The following PRKCE variants were observed in gnomAD, a reference collection of about 807,000 sequenced individuals.
PRKCE encodes the protein protein kinase C epsilon.
Under a neutral mutation model 85.4 loss-of-function variants are expected in PRKCE, and 16 were observed. That is an observed-to-expected ratio of 0.19 (90% CI 0.13 to 0.28). The LOEUF is 0.28. Among genes scored for constraint, PRKCE ranks in the 10% least tolerant of loss-of-function variants. The probability of loss-of-function intolerance (pLI) is 1.00; values close to 1 mark genes in which losing one functional copy is unlikely to be tolerated. For synonymous variants in PRKCE, 388 were observed against 371.5 expected, an observed-to-expected ratio of 1.04 and a Z score of -0.51; for missense variants, 573 against 975.2, an observed-to-expected ratio of 0.59 and a Z score of 5.49.
intron 2 of PRKCE, among the ~76,000 whole-genome samples, chr2:45,953,978 C>A (rs1485813980): frequency 6.6e-6 from 1 of 152,172 alleles, no homozygotes; most frequent in Non-Finnish European, 1.5e-5. Flanking sequence ...TTTCCTAAGA[C>A]AACATAAGCT....
intron 11 of PRKCE, among the ~76,000 whole-genome samples, chr2:46,089,279 C>A (rs1669937129): frequency 6.6e-6 from 1 of 152,192 alleles, no homozygotes; most frequent in South Asian, 2.1e-4. Flanking sequence ...ATATGTATAT[C>A]CAGCATTCCT....
chr2:46,036,319 G>C (rs1707855308), intron 10 of PRKCE, among the ~76,000 whole-genome samples: 1 of 152,228 alleles, frequency 6.6e-6, no homozygotes, highest in South Asian at 2.1e-4. Flanking sequence ...GCTCATGCCT[G>C]TAATGCCAGC....
intron 2 of PRKCE, among the ~76,000 whole-genome samples, chr2:45,917,162 G>T (rs1392999127): frequency 2.6e-5 from 4 of 152,172 alleles, no homozygotes; most frequent in Non-Finnish European, 4.4e-5. Context: ...GGCGCTGATT[G>T]GTGCGTTTAC....
At chr2:45,772,550 A>G (rs2104926158) in intron 1 of PRKCE, among the ~76,000 whole-genome samples, 1 of 152,260 alleles carries the variant, frequency 6.6e-6, no homozygotes, top group East Asian at 1.9e-4. Context: ...TCTCCTGGGT[A>G]CTCTGCCTGA....
At chr2:45,810,304 G>T (rs1042276362) in intron 1 of PRKCE, among the ~76,000 whole-genome samples, 8 of 152,106 alleles carry the variant, frequency 5.3e-5, no homozygotes, top group African/African-American at 1.7e-4. Context: ...GCCTCCCAAA[G>T]TGCTGGGATT....
chr2:45,961,786 C>T lies in PRKCE; in HGVS notation c.413-14643C>T, dbSNP rs1053210518. On this transcript the variant is annotated intron_variant, in intron 2 of 14. Coordinates refer to ENST00000306156, the MANE Select transcript of PRKCE (RefSeq NM_005400.3). The stretch of plus-strand genomic sequence containing the variant: ...TCTTGGCTCACTGCAACCTCTGCCT[C>T]CCGGGTTCAAGCGATTCTCCTGCCT... Among the ~76,000 whole-genome samples the T allele has an allele frequency of 3.9e-5, 6 of 152,224 alleles. No individual in the cohort carries two copies. In the South Asian group the frequency reaches 6.2e-4, roughly 16 times the overall value.
At chr2:46,176,143 A>G (rs1172418802) in intron 14 of PRKCE, among the ~76,000 whole-genome samples, 1 of 152,236 alleles carries the variant, frequency 6.6e-6, no homozygotes, top group African/African-American at 2.4e-5. Flanking sequence ...CCAAAGAGAA[A>G]TAGCTCCAAA....
intron 11 of PRKCE, among the ~76,000 whole-genome samples, chr2:46,126,751 C>T (rs1673906903): frequency 6.6e-6 from 1 of 152,146 alleles, no homozygotes; most frequent in South Asian, 2.1e-4. Context: ...CTCCTCCCTT[C>T]CCTTGAGCAG....
Position 46,139,930 on chromosome 2 carries a change from C to A in PRKCE, c.1593-5163C>A, listed in dbSNP as rs1574576047. Among the ~76,000 whole-genome samples, 1 of 152,136 alleles carries A rather than the reference C, an allele frequency of 6.6e-6. No individual in the cohort carries two copies. Among genetic ancestry groups the A allele is most frequent in the East Asian group, 1.9e-4 (1 of 5,176 alleles). On this transcript the variant is annotated intron_variant, in intron 11 of 14. Transcript: ENST00000306156. The surrounding 1 kb of genome is among the most constrained non-coding windows in gnomAD (Gnocchi z 5.2). ...GCTTAAAAAATAGAAAGTAAATGTT[C>A]TCTTACAAAGGAAGAAAGTGAGAAT... is the stretch of plus-strand genomic sequence containing the variant.
At chr2:45,845,485 C>T in intron 2 of PRKCE, 1 of 151,792 alleles carries the variant, frequency 6.6e-6, no homozygotes. Flanking sequence ...TGCCATCAAG[C>T]ATCCCTTCAG....
At chr2:45,922,830 G>A (rs909364009) in intron 2 of PRKCE, among the ~76,000 whole-genome samples, 1 of 152,164 alleles carries the variant, frequency 6.6e-6, no homozygotes, top group Non-Finnish European at 1.5e-5. Context: ...GTGCTTAAAC[G>A]CCTAAGAACC....
intron 10 of PRKCE, among the ~76,000 whole-genome samples, chr2:46,048,805 C>T (rs1013391434): frequency 1.3e-5 from 2 of 152,198 alleles, no homozygotes; most frequent in East Asian, 3.9e-4. Context: ...TTCACCAGCT[C>T]TGGAAATATT....
chr2:45,663,842 T>C (rs1298219388), intron 1 of PRKCE, among the ~76,000 whole-genome samples: 1 of 150,988 alleles, frequency 6.6e-6, no homozygotes, highest in Non-Finnish European at 1.5e-5. Context: ...ATGAGGGCAG[T>C]CAGGAGACCA....
intron 2 of PRKCE, among the ~76,000 whole-genome samples, chr2:45,876,338 A>T (rs1024994810): frequency 6.6e-6 from 1 of 152,198 alleles, no homozygotes; most frequent in Non-Finnish European, 1.5e-5. Flanking sequence ...TTTCCAAGTC[A>T]ACTCCAGCTT....
At chr2:45,955,875 A>T (rs1700941725) in intron 2 of PRKCE, among the ~76,000 whole-genome samples, 1 of 152,182 alleles carries the variant, frequency 6.6e-6, no homozygotes, top group African/African-American at 2.4e-5. Context: ...TGACAATTAC[A>T]TACAGTCGTA....
intron 2 of PRKCE, among the ~76,000 whole-genome samples, chr2:45,869,000 T>C (rs953727198): frequency 6.7e-6 from 1 of 148,268 alleles, no homozygotes; most frequent in Non-Finnish European, 1.5e-5. Context: ...CGTAAATAAA[T>C]AAGTAGCTGG....
intron 1 of PRKCE, among the ~76,000 whole-genome samples, chr2:45,739,476 A>G (rs1381092788): frequency 2.0e-5 from 3 of 152,140 alleles, no homozygotes; most frequent in Non-Finnish European, 2.9e-5. Flanking sequence ...CCTGCAGAGG[A>G]CTCAGCTAAT....
chr2:46,177,952 C>G (rs1436413119), intron 14 of PRKCE, among the ~76,000 whole-genome samples: 1 of 152,078 alleles, frequency 6.6e-6, no homozygotes, highest in African/African-American at 2.4e-5. Context: ...CTGGCCACTA[C>G]CAAGGATATG....
At chr2:45,989,114 A>C (rs1455351212) in intron 6 of PRKCE, among the ~76,000 whole-genome samples, 2 of 152,208 alleles carry the variant, frequency 1.3e-5, no homozygotes. Flanking sequence ...CGGAGCCTGC[A>C]GTTGGGCCTG....
Sources: allele counts gnomAD v4.1 joint callset (sites outside exome capture counted in the v4.1 genomes callset), GRCh38; gene constraint gnomAD v4.1.1; non-coding constraint Gnocchi (gnomAD v3.1); transcripts MANE v1.5; gene names NCBI Gene and HGNC (gene_info 2026-07-23, HGNC 2026-07-21).